Variants in ESR1 observed in about 807,000 individuals in gnomAD.
ESR1 encodes the protein estrogen receptor 1.
ESR1 carries 12 observed loss-of-function variants against 52.7 expected under a neutral mutation model. That is an observed-to-expected ratio of 0.23 (90% CI 0.15 to 0.37). ESR1 has a LOEUF of 0.37. ESR1 is among the 10% of genes least tolerant of loss of function. The pLI is 1.00. For missense variants in ESR1, 584 were observed against 779.7 expected (o/e 0.75, Z 2.99); for synonymous variants, 305 against 316.8 (o/e 0.96, Z 0.39).
rs774979604 is a variant in ESR1 at position 151,944,235 on chromosome 6, G to A, written c.823G>A (p.Glu275Lys). The A allele has an allele frequency of 6.2e-6, 10 of 1,614,178 alleles. No homozygotes were observed. The Middle Eastern group carries it at 4.9e-4, about 80-fold the overall frequency. ...LKHKRQRDDGEGRGEVGSAGD... is the reference protein window; with the variant it reads ...LKHKRQRDDGKGRGEVGSAGD... ...ACACAAGCGCCAGAGAGATGATGGG[G>A]AGGGCAGGGGTGAAGTGGGGTCTGC... The change falls in exon 4 of 8, where the codon GAG becomes AAG. Residue 275 changes from glutamate to lysine, a missense_variant. Glu to Lys is a moderately conservative substitution (Grantham distance 56). Coordinates refer to ENST00000206249, the MANE Select transcript of ESR1 (RefSeq NM_000125.4).
chr6:151,666,696 CCCTCCTCCTCCTCCT>C (rs56871778), intron 1 of ESR1, among the ~76,000 whole-genome samples: 18,161 of 97,450 alleles, frequency 0.19, 1,806 homozygotes, highest in East Asian at 0.44. Context: ...TTCCCCATCC[CCCTCCTCCTCCTCCT>C]CCTCCTCCTC....
rs574744428 is a variant in ESR1 at position 151,740,808 on chromosome 6, G to C, written c.-71+38803G>C. On this transcript the variant is annotated intron_variant, in intron 2 of 2. Transcript: ENST00000404742. ...AAATTTCTTTTTAGTCATTGGTTTA[G>C]CATTTCTACCTCTTCTCCTTAAACC... Among the ~76,000 whole-genome samples, 7 of 152,148 alleles carry C rather than the reference G, an allele frequency of 4.6e-5. No individual in the cohort carries two copies. In the East Asian group the frequency reaches 1.4e-3, roughly 29 times the overall value.
chr6:151,844,113 GAAAT>G (rs1253890157), intron 2 of ESR1, among the ~76,000 whole-genome samples: 6 of 150,726 alleles, frequency 4.0e-5, no homozygotes, highest in Non-Finnish European at 8.9e-5. Context: ...TATATATATA[GAAAT>G]AAATTCTAAA....
intron 4 of ESR1, among the ~76,000 whole-genome samples, chr6:152,003,920 AC>A (rs1218290242): frequency 2.0e-5 from 3 of 152,058 alleles, no homozygotes; most frequent in Non-Finnish European, 4.4e-5. Context: ...GGTAAACTAA[AC>A]TGATGAATAA....
intron 3 of ESR1, among the ~76,000 whole-genome samples, chr6:151,886,319 T>C (rs1044687275): frequency 2.6e-5 from 4 of 152,184 alleles, no homozygotes; most frequent in Non-Finnish European, 5.9e-5. Context: ...AGTGAGGAAA[T>C]TGGCACATAG....
At chr6:152,110,427 C>G (rs2051117895) in intron 6 of ESR1, among the ~76,000 whole-genome samples, 1 of 151,888 alleles carries the variant, frequency 6.6e-6, no homozygotes, top group African/African-American at 2.4e-5. Context: ...AATGCAGGAA[C>G]AGAAAACCAA....
At chr6:151,673,343 G>A (rs191016935) in intron 1 of ESR1, among the ~76,000 whole-genome samples, 41 of 152,232 alleles carry the variant, frequency 2.7e-4, no homozygotes, top group East Asian at 7.7e-4. Flanking sequence ...CTGTTTTCAC[G>A]TTTGGACGCT....
chr6:152,090,190 G>A lies in ESR1; in HGVS notation c.1370-4195G>A, dbSNP rs138941627. Among the ~76,000 whole-genome samples, 503 of 152,290 alleles carry A rather than the reference G, an allele frequency of 3.3e-3. 9 individuals are homozygous for A. Among genetic ancestry groups the A allele is most frequent in the African/African-American group, 0.011 (477 of 41,572 alleles). ...GGTTGTAGAATGAGTCCCTGGCAGG[G>A]CACCCGAAAGGCTGATGTGTGACTC... On this transcript the variant is annotated intron_variant, in intron 6 of 7. Coordinates refer to ENST00000206249, the MANE Select transcript of ESR1 (RefSeq NM_000125.4).
chr6:151,861,883 T>C (rs1243617607), intron 2 of ESR1, among the ~76,000 whole-genome samples: 66 of 152,248 alleles, frequency 4.3e-4, no homozygotes, highest in East Asian at 5.8e-4. Context: ...TGATTTACAA[T>C]GGACTGCATA....
chr6:151,724,667 C>T (rs562594433), intron 2 of ESR1, among the ~76,000 whole-genome samples: 1 of 152,184 alleles, frequency 6.6e-6, no homozygotes, highest in South Asian at 2.1e-4. Flanking sequence ...CTCTTTTGGG[C>T]TACTGTTTGT....
intron 3 of ESR1, among the ~76,000 whole-genome samples, chr6:151,908,185 G>A (rs534166446): frequency 3.9e-5 from 6 of 152,152 alleles, no homozygotes; most frequent in East Asian, 1.9e-4. Flanking sequence ...AGGTTTAGTA[G>A]GATAACATTT....
At chr6:151,889,516 A>T (rs1319371701) in intron 3 of ESR1, among the ~76,000 whole-genome samples, 1 of 151,792 alleles carries the variant, frequency 6.6e-6, no homozygotes, top group Admixed American at 6.6e-5. Context: ...CTCCTCTTTT[A>T]TTTCTGATTC....
chr6:151,950,761 C>A (rs2036237535), intron 4 of ESR1, among the ~76,000 whole-genome samples: 1 of 152,046 alleles, frequency 6.6e-6, no homozygotes, highest in African/African-American at 2.4e-5. Flanking sequence ...GAGAGTATGG[C>A]CTTGATTTCA....
intron 1 of ESR1, among the ~76,000 whole-genome samples, chr6:151,672,243 G>T (rs780968768): frequency 1.3e-5 from 2 of 151,974 alleles, no homozygotes; most frequent in Non-Finnish European, 2.9e-5. Context: ...ATGCCACATT[G>T]TACCCAAAAA....
intron 3 of ESR1, among the ~76,000 whole-genome samples, chr6:151,894,099 G>C: frequency 6.6e-6 from 1 of 152,200 alleles, no homozygotes; most frequent in Admixed American, 6.5e-5. Flanking sequence ...TCTTGTGGGA[G>C]TAAGGTGGTA....
chr6:151,658,907 A>G (rs915186903), intron 1 of ESR1, among the ~76,000 whole-genome samples: 2 of 152,234 alleles, frequency 1.3e-5, no homozygotes, highest in Non-Finnish European at 2.9e-5. Context: ...ATCATATTGC[A>G]TGTGGGCATA....
chr6:152,122,375 A>T, intron 6 of ESR1: 2 of 1,612,708 alleles, frequency 1.2e-6, no homozygotes, highest in Non-Finnish European at 1.7e-6. Flanking sequence ...GTAGTTTGGG[A>T]TTGCTTATGA....
At chr6:151,894,675 T>G (rs547130933) in intron 3 of ESR1, among the ~76,000 whole-genome samples, 194 of 152,272 alleles carry the variant, frequency 1.3e-3, no homozygotes, top group African/African-American at 4.4e-3. Context: ...TTTGTTGGCT[T>G]TGGCAAAGAG....
At chr6:152,088,861 G>A (rs2049956027) in intron 6 of ESR1, among the ~76,000 whole-genome samples, 1 of 152,216 alleles carries the variant, frequency 6.6e-6, no homozygotes, top group South Asian at 2.1e-4. Context: ...GACTGTGGAA[G>A]TGAAAGAAGA....
Sources: gnomAD v4.1 joint callset for allele counts (sites outside exome capture counted in the v4.1 genomes callset) on GRCh38, gnomAD v4.1.1 for gene constraint, MANE v1.5 for transcripts, NCBI Gene and HGNC (gene_info 2026-07-23, HGNC 2026-07-21) for gene names.